The following CACNA1A variants were observed in gnomAD, a reference collection of about 807,000 sequenced individuals.
The protein encoded by CACNA1A is voltage-dependent P/Q-type calcium channel subunit alpha-1A.
CACNA1A carries 57 observed loss-of-function variants against 262.4 expected under a neutral mutation model. The ratio of observed to expected loss-of-function variants is 0.22; its 90% CI spans 0.18 to 0.27. CACNA1A has a LOEUF of 0.27. Among genes scored for constraint, CACNA1A ranks in the 10% least tolerant of loss-of-function variants. The pLI is 1.00. For missense variants in CACNA1A, 2,526 were observed against 3,562.8 expected (o/e 0.71, Z 7.41); for synonymous variants, 1,431 against 1,419.3 (o/e 1.01, Z -0.18).
At chr19:13,407,471 A>G (rs879637948) in intron 3 of CACNA1A, among the ~76,000 whole-genome samples, 4 of 152,206 alleles carry the variant, frequency 2.6e-5, no homozygotes, top group Admixed American at 2.6e-4. Context: ...CAGGCTTGTT[A>G]CAAGAATTAA....
At chr19:13,318,906 T>TTTTTTTTTTTTTTA (rs2058188178) in intron 10 of CACNA1A, among the ~76,000 whole-genome samples, 2 of 149,490 alleles carry the variant, frequency 1.3e-5, no homozygotes, top group African/African-American at 5.0e-5. Context: ...TTTTTTTTTT[T>TTTTTTTTTTTTTTA]GAGACAGGAT....
chr19:13,307,672 A>T, intron 15 of CACNA1A, 110 bp downstream of exon 15: 1 of 821,822 alleles, frequency 1.2e-6, no homozygotes, highest in Non-Finnish European at 2.0e-6. Context: ...GTGGTGTGAA[A>T]AGGCCAGGTA....
chr19:13,413,611 C>T (rs1412924153), intron 3 of CACNA1A, among the ~76,000 whole-genome samples: 2 of 140,846 alleles, frequency 1.4e-5, no homozygotes, highest in African/African-American at 2.6e-5. Context: ...GGCACAGTGG[C>T]TCACACCTGT....
chr19:13,267,305 G>A (rs1283235946), intron 24 of CACNA1A, among the ~76,000 whole-genome samples: 1 of 152,024 alleles, frequency 6.6e-6, no homozygotes, highest in African/African-American at 2.4e-5. Flanking sequence ...AGTCCCGCCC[G>A]GGCAGCAGTT....
At chr19:13,378,180 T>C (rs538500323) in intron 3 of CACNA1A, among the ~76,000 whole-genome samples, 1 of 152,316 alleles carries the variant, frequency 6.6e-6, no homozygotes, top group East Asian at 1.9e-4. Flanking sequence ...AGCCTGAAGA[T>C]GTGACTGAAT....
At chr19:13,255,652 C>T (rs981273138) in intron 28 of CACNA1A, among the ~76,000 whole-genome samples, 9 of 151,202 alleles carry the variant, frequency 6.0e-5, no homozygotes, top group African/African-American at 2.2e-4. Context: ...ATCCTTCTTC[C>T]CCTTCCTCCC....
chr19:13,440,854 G>T (rs1305567769), intron 3 of CACNA1A, among the ~76,000 whole-genome samples: 2 of 152,150 alleles, frequency 1.3e-5, no homozygotes, highest in African/African-American at 4.8e-5. Flanking sequence ...TCGCTCTGTT[G>T]GACTGCAGTG....
intron 1 of CACNA1A, among the ~76,000 whole-genome samples, chr19:13,475,164 C>T (rs1978374408): frequency 6.6e-6 from 1 of 152,204 alleles, no homozygotes; most frequent in African/African-American, 2.4e-5. Context: ...TCAACATAAT[C>T]TTCCTGGAGA....
chr19:13,394,511 C>A (rs989665804), intron 3 of CACNA1A, among the ~76,000 whole-genome samples: 1 of 152,106 alleles, frequency 6.6e-6, no homozygotes, highest in African/African-American at 2.4e-5. Context: ...TAAACGTTGT[C>A]AGGGGATTCT....
chr19:13,402,382 G>A (rs777469223), intron 3 of CACNA1A, among the ~76,000 whole-genome samples: 1 of 152,042 alleles, frequency 6.6e-6, no homozygotes, highest in African/African-American at 2.4e-5. Flanking sequence ...TTAGAGACTT[G>A]GGGGGAAGAG....
At chr19:13,291,149 A>G (rs2057527120) in intron 19 of CACNA1A, among the ~76,000 whole-genome samples, 1 of 152,146 alleles carries the variant, frequency 6.6e-6, no homozygotes, top group Non-Finnish European at 1.5e-5. Flanking sequence ...TGCCTGGAAT[A>G]GGTGGCCAGT....
At chr19:13,299,991 T>C (rs2057754730) in intron 18 of CACNA1A, among the ~76,000 whole-genome samples, 1 of 152,182 alleles carries the variant, frequency 6.6e-6, no homozygotes, top group African/African-American at 2.4e-5. Context: ...CCTATGAGAA[T>C]CTAATGCTGC....
At chr19:13,229,817 G>T in intron 36 of CACNA1A, 1 of 353,088 alleles carries the variant, frequency 2.8e-6, no homozygotes, top group South Asian at 8.8e-5. Flanking sequence ...CGTAGGAGGA[G>T]AGGGCTCTTC....
Position 13,439,436 on chromosome 19 carries a change from G to T in CACNA1A, c.539+13440C>A, listed in dbSNP as rs183623039. Among the ~76,000 whole-genome samples, 28 of 142,080 alleles carry T rather than the reference G, an allele frequency of 2.0e-4. No individual in the cohort carries two copies. In the South Asian group the frequency reaches 3.1e-3, roughly 16 times the overall value. The allele number at this position is 142,080 out of a possible 152,430, so 93.2% of individuals were successfully genotyped here. On this transcript the variant is annotated intron_variant, in intron 3 of 46. Transcript: ENST00000360228. ...TTTTTTTTTGACGGAGTCTCGTTCT[G>T]TCGCCCAGGCTGGAGTGCAGTGGTG...
intron 3 of CACNA1A, among the ~76,000 whole-genome samples, chr19:13,413,207 C>T (rs1382091490): frequency 6.6e-6 from 1 of 151,414 alleles, no homozygotes; most frequent in Non-Finnish European, 1.5e-5. Context: ...CCCAGGTTCA[C>T]ACCATTCTCC....
intron 6 of CACNA1A, among the ~76,000 whole-genome samples, chr19:13,356,621 T>C (rs979465944): frequency 6.6e-6 from 1 of 152,174 alleles, no homozygotes; most frequent in African/African-American, 2.4e-5. Context: ...CCCCAGACGC[T>C]TTCTCTGGTC....
At chr19:13,240,012 G>A (rs1027673228) in intron 31 of CACNA1A, among the ~76,000 whole-genome samples, 3 of 152,012 alleles carry the variant, frequency 2.0e-5, no homozygotes, top group East Asian at 3.9e-4. Flanking sequence ...GTGGCCTGGC[G>A]TGGTGGTACA....
chr19:13,393,470 C>G (rs1017663446), intron 3 of CACNA1A, among the ~76,000 whole-genome samples: 2 of 151,978 alleles, frequency 1.3e-5, no homozygotes, highest in African/African-American at 4.8e-5. Context: ...AAGGGGGTTT[C>G]TAAACGTTGG....
chr19:13,256,319 T>G (rs1029305665), intron 28 of CACNA1A: 4 of 152,056 alleles, frequency 2.6e-5, no homozygotes, highest in Non-Finnish European at 5.9e-5. Context: ...ACTGAATACT[T>G]TGCTGCGTCT....
Sources: gnomAD v4.1 joint callset for allele counts (sites outside exome capture counted in the v4.1 genomes callset) on GRCh38, gnomAD v4.1.1 for gene constraint, MANE v1.5 for transcripts, NCBI Gene and HGNC (gene_info 2026-07-23, HGNC 2026-07-21) for gene names.